Variants in KCNN2 observed in about 807,000 individuals in gnomAD.
KCNN2 encodes the protein small conductance calcium-activated potassium channel protein 2.
A neutral mutation model predicts 55.5 loss-of-function variants in KCNN2; 24 were observed. The observed-to-expected ratio is 0.43, with a 90% CI of 0.31 to 0.61. The LOEUF (loss-of-function observed/expected upper bound fraction) is 0.61. Ranked by LOEUF, KCNN2 falls within the 20% of genes least tolerant of loss-of-function variation. The pLI is 0.08. For missense variants in KCNN2, 754 were observed against 853.6 expected (o/e 0.88, Z 1.45); for synonymous variants, 431 against 336.1 (o/e 1.28, Z -3.09).
At chr5:114,425,004 C>T (rs889323762) in intron 3 of KCNN2, among the ~76,000 whole-genome samples, 15 of 152,072 alleles carry the variant, frequency 9.9e-5, no homozygotes, top group Admixed American at 2.6e-4. Context: ...AGGACAAATA[C>T]GTCAAGGCTC....
intron 2 of KCNN2, among the ~76,000 whole-genome samples, chr5:114,269,181 T>G (rs780173674): frequency 6.6e-6 from 1 of 152,280 alleles, no homozygotes; most frequent in Non-Finnish European, 1.5e-5. Context: ...ATTCTATAAG[T>G]GTACCAACTA....
At chr5:114,176,776 A>G (rs1002092159) in intron 1 of KCNN2, among the ~76,000 whole-genome samples, 16 of 152,198 alleles carry the variant, frequency 1.1e-4, no homozygotes, top group Non-Finnish European at 1.8e-4. Flanking sequence ...GATATTAGAT[A>G]CAGAACTGGT....
intron 1 of KCNN2, among the ~76,000 whole-genome samples, chr5:114,214,261 T>A (rs1296831483): frequency 6.6e-6 from 1 of 151,936 alleles, no homozygotes; most frequent in Admixed American, 6.6e-5. Flanking sequence ...CTATAGACGA[T>A]GTATAGAGAA....
chr5:114,476,628 T>G (rs1327130424), intron 5 of KCNN2, among the ~76,000 whole-genome samples: 1 of 151,768 alleles, frequency 6.6e-6, no homozygotes, highest in African/African-American at 2.4e-5. Flanking sequence ...TCCATGTTGG[T>G]CAGGCTGGTC....
chr5:114,101,015 CT>C (rs1233976240), intron 1 of KCNN2, among the ~76,000 whole-genome samples: 4 of 151,636 alleles, frequency 2.6e-5, no homozygotes, highest in Non-Finnish European at 4.4e-5. Flanking sequence ...TATGGATATA[CT>C]TACATTAAGT....
At chr5:114,081,678 C>T (rs1273272583) in intron 1 of KCNN2, among the ~76,000 whole-genome samples, 1 of 152,096 alleles carries the variant, frequency 6.6e-6, no homozygotes, top group African/African-American at 2.4e-5. Context: ...TAGAAGAAAA[C>T]ATTGCAAAAG....
At chr5:114,283,474 A>G (rs116769210) in intron 2 of KCNN2, among the ~76,000 whole-genome samples, 3,387 of 152,322 alleles carry the variant, frequency 0.022, 58 homozygotes, top group Non-Finnish European at 0.035. Context: ...TGTAATAACT[A>G]TAACTGCAGT....
chr5:114,298,233 A>T (rs1342070061), intron 2 of KCNN2, among the ~76,000 whole-genome samples: 1 of 152,238 alleles, frequency 6.6e-6, no homozygotes, highest in Non-Finnish European at 1.5e-5. Context: ...CTTACTGCAC[A>T]GAGATGGTTC....
intron 1 of KCNN2, among the ~76,000 whole-genome samples, chr5:114,174,236 A>T (rs981281274): frequency 4.6e-5 from 7 of 152,156 alleles, no homozygotes; most frequent in Non-Finnish European, 1.0e-4. Context: ...GGTAGTTGTC[A>T]TGGCTTCATA....
At position 114,404,505 on chromosome 5, in the gene KCNN2, T is replaced by A. The variant is rs1217655976; in HGVS notation, c.1286T>A (p.Ile429Asn). The change falls in exon 3 of 8, where the codon ATC becomes AAC. Residue 429 changes from isoleucine (I) to asparagine (N), a missense_variant. By Grantham distance (149) the Ile-to-Asn change is moderately radical. Around this residue, in one of 4 missense-constraint regions of KCNN2, gnomAD observed 123 missense variants for 204.9 expected, o/e 0.60. Transcript: ENST00000673685. ...ATGACTTATGAGCGTATTTTCTTCA[T>A]CTGCTTGGAAATACTGGTGTGTGCT... ...IAMTYERIFF[I>N]CLEILVCAIH... 6.2e-7 allele frequency: 1 copy of A among 1,613,556 alleles called. No individual in the cohort carries two copies.
intron 2 of KCNN2, among the ~76,000 whole-genome samples, chr5:114,252,772 CAT>C (rs1491550563): frequency 1.3e-4 from 8 of 63,414 alleles, no homozygotes; most frequent in African/African-American, 2.6e-4. Context: ...CTCTGTGTAG[CAT>C]GTGTGTGTGT....
At position 114,321,089 on chromosome 5, in the gene KCNN2, C is replaced by T. The variant is rs187158492; in HGVS notation, c.-184-39856C>T. ...TTTCACTCAATTCTACAATTGTTTCCCACGTCTTTGCATAGAGAGGTCCTT... is the reference window on the plus strand; with the variant it reads ...TTTCACTCAATTCTACAATTGTTTCTCACGTCTTTGCATAGAGAGGTCCTT... On this transcript the variant is annotated intron_variant, in intron 2 of 10. Transcript: ENST00000512097. Among the ~76,000 whole-genome samples, 412 of 152,276 alleles carry T rather than the reference C, an allele frequency of 2.7e-3. 1 individual carries two copies. Among genetic ancestry groups the T allele is most frequent in the Non-Finnish European group, 3.7e-3 (254 of 68,026 alleles).
At chr5:114,110,525 A>G (rs1295630356) in intron 1 of KCNN2, among the ~76,000 whole-genome samples, 1 of 152,048 alleles carries the variant, frequency 6.6e-6, no homozygotes, top group Non-Finnish European at 1.5e-5. Context: ...ATATTGTAGA[A>G]TTGATTGTCA....
intron 2 of KCNN2, among the ~76,000 whole-genome samples, chr5:114,247,840 G>A (rs10044601): frequency 0.78 from 117,438 of 151,514 alleles, 45,785 homozygotes; most frequent in East Asian, 0.9. Context: ...GAAGGATTAT[G>A]TCTTAGGTGG....
In KCNN2 at chr5:114,463,118, C is replaced by T. The variant is rs555115644; in HGVS notation, c.1707C>T (p.Leu569=). 6.8e-6 allele frequency: 11 copies of T among 1,613,576 alleles called. No homozygotes were observed. The South Asian group carries it at 1.2e-4, about 18-fold the overall frequency. ...TGTGGTTGATATCAATAACTTTTCT[C>T]TCCATTGGTTATGGTGACATGGTAC... is the stretch of plus-strand genomic sequence containing the variant. The part of the protein sequence containing the change: ...GAMWLISITF[L]SIGYGDMVPN... Residue 569 remains leucine (L), a synonymous_variant, in exon 4 of 8, where the codon CTC becomes CTT. Transcript: ENST00000673685.
Position 114,307,702 on chromosome 5 carries a change from C to T in KCNN2, c.-184-53243C>T, listed in dbSNP as rs952521065. On this transcript the variant is annotated intron_variant, in intron 2 of 10. Transcript: ENST00000512097. ...AATAGTCAGGGGTGAGTTCTCTGATCGTATATAATAAATTCATTCTAACAT... is the reference window on the plus strand; with the variant it reads ...AATAGTCAGGGGTGAGTTCTCTGATTGTATATAATAAATTCATTCTAACAT... Among the ~76,000 whole-genome samples the T allele has an allele frequency of 4.6e-5, 7 of 152,194 alleles. No homozygotes were observed. The East Asian group carries it at 1.2e-3, about 25-fold the overall frequency.
chr5:114,465,379 G>A (rs1381098705), intron 4 of KCNN2, among the ~76,000 whole-genome samples: 2 of 152,096 alleles, frequency 1.3e-5, no homozygotes, highest in Admixed American at 6.5e-5. Context: ...TTGGGAGGCC[G>A]AGGCAGGTGG....
chr5:114,119,061 C>G lies in KCNN2; in HGVS notation c.-271+62561C>G, dbSNP rs547794037. On this transcript the variant is annotated intron_variant, in intron 1 of 10. Transcript: ENST00000512097. ...GCAAAACCCCCAAAGGTGTTGATGC[C>G]TAAACATGCAGTATATTAAGTGCCT... is the stretch of plus-strand genomic sequence containing the variant. Among the ~76,000 whole-genome samples the G allele has an allele frequency of 3.9e-5, 6 of 152,280 alleles. No homozygotes were observed. In the South Asian group the frequency reaches 1.2e-3, roughly 32 times the overall value.
chr5:114,414,614 A>G (rs928312081), intron 3 of KCNN2, among the ~76,000 whole-genome samples: 1 of 152,188 alleles, frequency 6.6e-6, no homozygotes, highest in Non-Finnish European at 1.5e-5. Context: ...CTGTCAAATA[A>G]TTAAGGATAC....
Sources: allele counts gnomAD v4.1 joint callset (sites outside exome capture counted in the v4.1 genomes callset), GRCh38; gene constraint gnomAD v4.1.1; regional missense constraint gnomAD v4.1.1; transcripts MANE v1.5; gene names NCBI Gene and HGNC (gene_info 2026-07-23, HGNC 2026-07-21).